The following PRRC2C variants were observed in gnomAD, a reference collection of about 807,000 sequenced individuals.
PRRC2C encodes protein PRRC2C.
A neutral mutation model predicts 317.2 loss-of-function variants in PRRC2C; 72 were observed. The observed-to-expected ratio is 0.23, with a 90% CI of 0.19 to 0.28. PRRC2C has a LOEUF of 0.28. Ranked by LOEUF, PRRC2C falls within the 10% of genes least tolerant of loss-of-function variation. The probability of loss-of-function intolerance (pLI) is 1.00; values close to 1 mark genes in which losing one functional copy is unlikely to be tolerated. For synonymous variants in PRRC2C, 1,296 were observed against 1,205.9 expected (o/e 1.07, Z -1.55); for missense variants, 3,074 against 3,459.7 (o/e 0.89, Z 2.80).
At position 171,584,041 on chromosome 1, in the gene PRRC2C, C is replaced by G. The variant is rs940643886; in HGVS notation, c.7495C>G (p.Gln2499Glu). The G allele has an allele frequency of 3.7e-6, 6 of 1,613,794 alleles. No individual in the cohort carries two copies. In the African/African-American group the frequency reaches 8.0e-5, roughly 22 times the overall value. ...GTAIHNFPTV[Q>E]HQELAKAQSG... ...TGCTATTCACAACTTTCCAACTGTC[C>G]AACACCAAGAACTTGCCAAGGCACA... Residue 2499 changes from glutamine to glutamate, a missense_variant, in exon 29 of 35, where the codon CAA becomes GAA. Coordinates refer to ENST00000647382, the MANE Select transcript of PRRC2C (RefSeq NM_001387844.1).
rs538157632 is a variant in PRRC2C, at chr1:171,561,632, C to G, written c.6117+529C>G. Among the ~76,000 whole-genome samples the G allele has an allele frequency of 4.6e-5, 7 of 152,254 alleles. No individual in the cohort carries two copies. The East Asian group carries it at 1.2e-3, about 25-fold the overall frequency. ...ACATCTTTACATTTATAAGGTGTGT[C>G]TCACTTTTAGACATTAAACACTTAT... On this transcript the variant is annotated intron_variant, in intron 20 of 34. Transcript: ENST00000647382.
At chr1:171,577,950 C>CTTTTTTTTTT (rs59582313) in intron 26 of PRRC2C, among the ~76,000 whole-genome samples, 1 of 103,756 alleles carries the variant, frequency 9.6e-6, no homozygotes, top group Non-Finnish European at 1.9e-5. Flanking sequence ...GCTAATTTTT[C>CTTTTTTTTTT]TTTTTTTTTT....
At chr1:171,560,076 A>G (rs1682363104) in intron 19 of PRRC2C, among the ~76,000 whole-genome samples, 1 of 152,224 alleles carries the variant, frequency 6.6e-6, no homozygotes, top group Non-Finnish European at 1.5e-5. Flanking sequence ...TGCAACCTCC[A>G]TACACAGTGA....
At chr1:171,501,328 G>T (rs544400563) in intron 1 of PRRC2C, among the ~76,000 whole-genome samples, 1 of 152,134 alleles carries the variant, frequency 6.6e-6, no homozygotes, top group African/African-American at 2.4e-5. Flanking sequence ...ACAGAGTTTT[G>T]TCATGTTGCC....
Position 171,517,826 on chromosome 1 carries a change from T to TA in PRRC2C, c.750+15dup, listed in dbSNP as rs754933970. On this transcript the variant is annotated intron_variant, in intron 6 of 34. Coordinates refer to ENST00000647382, the MANE Select transcript of PRRC2C (RefSeq NM_001387844.1). The stretch of plus-strand genomic sequence containing the variant: ...TGATGCCTCCTTATGTGAGTATTGT[T>TA]AAATGAACAAGCATTCAAACAAGTG... 1 of 1,600,168 alleles carries TA rather than the reference T, an allele frequency of 6.2e-7. No homozygotes were observed. Among genetic ancestry groups the TA allele is most frequent in the South Asian group, 1.1e-5 (1 of 90,454 alleles).
At chr1:171,512,617 A>C in intron 2 of PRRC2C, 1 of 226,590 alleles carries the variant, frequency 4.4e-6, no homozygotes, top group South Asian at 6.8e-5. Flanking sequence ...GAATATAGTG[A>C]AAACTGAAAA....
chr1:171,526,803 A>ATTTTTTTTT (rs1557918055), intron 10 of PRRC2C, among the ~76,000 whole-genome samples: 4 of 85,796 alleles, frequency 4.7e-5, no homozygotes, highest in African/African-American at 9.5e-5. Context: ...TCAGAAATAT[A>ATTTTTTTTT]TCTTTTTTTT....
At chr1:171,496,920 A>G (rs1048008346) in intron 1 of PRRC2C, among the ~76,000 whole-genome samples, 9 of 151,246 alleles carry the variant, frequency 6.0e-5, no homozygotes, top group African/African-American at 9.7e-5. Flanking sequence ...TCCTGCTTCA[A>G]TCTCCTGGTT....
intron 1 of PRRC2C, among the ~76,000 whole-genome samples, chr1:171,498,365 C>G (rs1668496313): frequency 6.6e-6 from 1 of 152,160 alleles, no homozygotes; most frequent in Non-Finnish European, 1.5e-5. Context: ...AAGATGGCAC[C>G]TTGTTCATGT....
intron 15 of PRRC2C, among the ~76,000 whole-genome samples, chr1:171,539,189 CG>C (rs1398136537): frequency 6.6e-6 from 1 of 151,922 alleles, no homozygotes; most frequent in African/African-American, 2.4e-5. Flanking sequence ...TTAGTAGAGA[CG>C]GGGTTTCTCC....
intron 33 of PRRC2C, among the ~76,000 whole-genome samples, 166 bp from the exon 34 acceptor site, chr1:171,589,203 T>G (rs2102895843): frequency 6.6e-6 from 1 of 152,352 alleles, no homozygotes; most frequent in African/African-American, 2.4e-5. Flanking sequence ...ATGGCCTGTT[T>G]ATTCCTTGTC....
intron 19 of PRRC2C, among the ~76,000 whole-genome samples, chr1:171,559,380 C>G (rs1682115036): frequency 6.6e-6 from 1 of 152,082 alleles, no homozygotes; most frequent in Admixed American, 6.6e-5. Flanking sequence ...GAAGCCCCTG[C>G]TCATTTACCA....
chr1:171,562,033 A>C (rs1370963396), intron 20 of PRRC2C, among the ~76,000 whole-genome samples: 1 of 152,220 alleles, frequency 6.6e-6, no homozygotes, highest in African/African-American at 2.4e-5. Context: ...AGCACTGTGG[A>C]GAAAAACGAA....
intron 6 of PRRC2C, among the ~76,000 whole-genome samples, chr1:171,521,402 T>C (rs1673526841): frequency 1.3e-5 from 2 of 152,196 alleles, no homozygotes; most frequent in Non-Finnish European, 2.9e-5. Context: ...CTCTTAAGTT[T>C]AGTTTCCCAG....
chr1:171,591,372 G>T, intron 34 of PRRC2C: 1 of 514,916 alleles, frequency 1.9e-6, no homozygotes, highest in Non-Finnish European at 2.8e-6. Flanking sequence ...GTGGTCCTGT[G>T]GTTTTTTTTT....
At position 171,579,879 on chromosome 1, in the gene PRRC2C, C is replaced by G; in HGVS notation, c.7324C>G (p.Gln2442Glu). 6.3e-7 allele frequency: 1 copy of G among 1,595,110 alleles called. No homozygotes were observed. The highest frequency in any genetic ancestry group is 8.5e-7 in the Non-Finnish European group (1 of 1,172,874). Residue 2442 changes from glutamine to glutamate, a missense_variant, in exon 28 of 35, where the codon CAG becomes GAG. This residue lies in a region of PRRC2C where 490 missense variants were observed against 663.1 expected (regional missense o/e 0.74). Transcript: ENST00000647382. Reference protein sequence around the residue: ...PIPIYAPLQGQHQAQLSLGAG... With the variant: ...PIPIYAPLQGEHQAQLSLGAG... ...CCCTATTTATGCACCACTGCAAGGG[C>G]AGCATCAAGCCCAACTGAGTTTGGG...
chr1:171,569,525 T>G (rs1684309059), intron 23 of PRRC2C, among the ~76,000 whole-genome samples: 1 of 140,690 alleles, frequency 7.1e-6, no homozygotes, highest in Non-Finnish European at 1.5e-5. Flanking sequence ...ATTAATGTGA[T>G]TTGTTCAACT....
At chr1:171,512,595 C>T (rs1053794059) in intron 2 of PRRC2C, 1 of 232,990 alleles carries the variant, frequency 4.3e-6, no homozygotes, top group East Asian at 1.1e-4. Flanking sequence ...GTGTTAGATA[C>T]TGTGACCTAG....
At chr1:171,486,706 G>T (rs1205268538) in intron 1 of PRRC2C, among the ~76,000 whole-genome samples, 1 of 152,110 alleles carries the variant, frequency 6.6e-6, no homozygotes, top group South Asian at 2.1e-4. Flanking sequence ...TACAGTAGGC[G>T]GCTCTGCTGT....
Sources: gnomAD v4.1 joint callset for allele counts (sites outside exome capture counted in the v4.1 genomes callset) on GRCh38, gnomAD v4.1.1 for gene constraint, gnomAD v4.1.1 regional missense constraint, MANE v1.5 for transcripts, NCBI Gene and HGNC (gene_info 2026-07-23, HGNC 2026-07-21) for gene names.